PSTPIP1: variants seen among roughly 807,000 people sequenced by gnomAD.
PSTPIP1 encodes the protein proline-serine-threonine phosphatase-interacting protein 1.
Under a neutral mutation model 69.6 loss-of-function variants are expected in PSTPIP1, and 66 were observed. The observed-to-expected ratio is 0.95, with a 90% CI of 0.78 to 1.16. The LOEUF (loss-of-function observed/expected upper bound fraction) is 1.16. Ranked by LOEUF, PSTPIP1 falls within the 50% of genes most tolerant of loss-of-function variation. The pLI, the probability that PSTPIP1 is intolerant of heterozygous loss-of-function variation, is 0.00. For synonymous variants in PSTPIP1, 266 were observed against 222.7 expected, an observed-to-expected ratio of 1.19 and a Z score of -1.73; for missense variants, 603 against 557.4, an observed-to-expected ratio of 1.08 and a Z score of -0.82.
chr15:77,036,646 C>T (rs562511130), intron 14 of PSTPIP1, among the ~76,000 whole-genome samples: 1 of 152,220 alleles, frequency 6.6e-6, no homozygotes, highest in East Asian at 1.9e-4. Flanking sequence ...GAAGCCAGGC[C>T]AGGAGAGTGA....
intron 6 of PSTPIP1, 30 bp from the exon 7 acceptor site, chr15:77,028,523 GC>G: frequency 6.5e-7 from 1 of 1,547,438 alleles, no homozygotes; most frequent in Non-Finnish European, 8.8e-7. Context: ...GGGCTGTGCA[GC>G]CCCCAAGTCA....
At position 77,037,269 on chromosome 15, in the gene PSTPIP1, C is replaced by A. The variant is rs554408944; in HGVS notation, c.*93C>A. 58 of 1,472,002 alleles carry A rather than the reference C, an allele frequency of 3.9e-5. No individual in the cohort carries two copies. Among genetic ancestry groups the A allele is most frequent in the Non-Finnish European group, 5.2e-5 (57 of 1,097,098 alleles). 91.2% of individuals were successfully genotyped at this position (1,472,002 alleles called of 1,614,324 possible). Reference sequence around the variant, plus strand: ...CACCTTGCTAGGGCCCAGAACCAAGCGTCCCCCAGCCCCGAGAGGGAGCCT... The same window carrying A: ...CACCTTGCTAGGGCCCAGAACCAAGAGTCCCCCAGCCCCGAGAGGGAGCCT... On this transcript the variant is annotated 3_prime_UTR_variant, in exon 15 of 15. Coordinates refer to ENST00000558012, the MANE Select transcript of PSTPIP1 (RefSeq NM_003978.5).
chr15:77,036,238 C>T (rs1008627138), intron 14 of PSTPIP1, among the ~76,000 whole-genome samples: 12 of 152,160 alleles, frequency 7.9e-5, no homozygotes, highest in African/African-American at 2.2e-4. Flanking sequence ...ACAGCACACA[C>T]GTGGAGCACA....
At chr15:77,036,524 A>G (rs1005333171) in intron 14 of PSTPIP1, among the ~76,000 whole-genome samples, 2 of 152,054 alleles carry the variant, frequency 1.3e-5, no homozygotes, top group African/African-American at 4.8e-5. Flanking sequence ...GCTTGAGGGG[A>G]AGAATGCATA....
At position 77,029,708 on chromosome 15, in the gene PSTPIP1, TATGTG is replaced by T. The variant is rs2152686977; in HGVS notation, c.562+135_562+139del. The T allele has an allele frequency of 1.0e-5, 11 of 1,066,572 alleles. No individual in the cohort carries two copies. In the South Asian group the frequency reaches 1.8e-4, roughly 17 times the overall value. The allele number at this position is 1,066,572 out of a possible 1,614,324, so 66.1% of individuals were successfully genotyped here. A position where few individuals can be genotyped will look rare whatever the true frequency, so the allele number is the denominator to read the frequency against. ...ATGGGCGCGGCGCTCTCATTCCAGATATGTGCCGTCAAAGTAAACGCTGTGTTCCC... is the reference window on the plus strand; with the variant it reads ...ATGGGCGCGGCGCTCTCATTCCAGATCCGTCAAAGTAAACGCTGTGTTCCC... On this transcript the variant is annotated intron_variant, in intron 8 of 14. Coordinates refer to ENST00000558012, the MANE Select transcript of PSTPIP1 (RefSeq NM_003978.5).
intron 5 of PSTPIP1, among the ~76,000 whole-genome samples, chr15:77,026,677 C>G (rs1188183039): frequency 1.3e-5 from 2 of 152,266 alleles, no homozygotes; most frequent in Non-Finnish European, 1.5e-5. Flanking sequence ...GCCCGTGCCA[C>G]CTGCCCATCT....
intron 1 of PSTPIP1, among the ~76,000 whole-genome samples, chr15:77,014,556 A>G (rs1406869171): frequency 6.6e-6 from 1 of 152,150 alleles, no homozygotes; most frequent in East Asian, 1.9e-4. Context: ...CACTTTCCCA[A>G]TGAGGAAACC....
rs1300843233 is a variant in PSTPIP1 at position 76,995,242 on chromosome 15, C to A, written c.-332C>A. On this transcript the variant is annotated 5_prime_UTR_variant, in exon 1 of 15. Coordinates refer to ENST00000558012, the MANE Select transcript of PSTPIP1 (RefSeq NM_003978.5). ...CCCACCCAGGGCTGGCATCCCTGCTCCCTGCCCTGGGTCCCAGACTGTGTC... is the reference window on the plus strand; with the variant it reads ...CCCACCCAGGGCTGGCATCCCTGCTACCTGCCCTGGGTCCCAGACTGTGTC... 1 of 1,260,272 alleles carries A rather than the reference C, an allele frequency of 7.9e-7. No homozygotes were observed. Among genetic ancestry groups the A allele is most frequent in the Admixed American group, 3.6e-5 (1 of 27,810 alleles). 78.1% of individuals were successfully genotyped at this position (1,260,272 alleles called of 1,614,324 possible).
intron 1 of PSTPIP1, among the ~76,000 whole-genome samples, chr15:77,011,031 G>A (rs1226553892): frequency 6.6e-6 from 1 of 152,206 alleles, no homozygotes; most frequent in Non-Finnish European, 1.5e-5. Context: ...TGAAGGAGGG[G>A]AAGCAGGCGG....
At position 77,036,920 on chromosome 15, in the gene PSTPIP1, G is replaced by A. The variant is rs1596145042; in HGVS notation, c.1120-125G>A. ...TACCCCCATCCTGTGTCCCCAAGGG[G>A]CTGCCCCTGCCCACCCTGGGAGACA... On this transcript the variant is annotated intron_variant, in intron 14 of 14. Coordinates refer to ENST00000558012, the MANE Select transcript of PSTPIP1 (RefSeq NM_003978.5). 5 of 1,329,182 alleles carry A rather than the reference G, an allele frequency of 3.8e-6. No individual in the cohort carries two copies. The South Asian group carries it at 5.5e-5, about 15-fold the overall frequency. 82.3% of individuals were successfully genotyped at this position (1,329,182 alleles called of 1,614,324 possible). A position where few individuals can be genotyped will look rare whatever the true frequency, so the allele number is the denominator to read the frequency against.
intron 12 of PSTPIP1, among the ~76,000 whole-genome samples, chr15:77,034,485 C>G (rs543079840): frequency 6.6e-6 from 1 of 152,106 alleles, no homozygotes; most frequent in East Asian, 1.9e-4. Flanking sequence ...GGCTGCCCCC[C>G]ACAGGCCCCT....
At chr15:77,013,072 ACCC>A (rs2075978168) in intron 1 of PSTPIP1, among the ~76,000 whole-genome samples, 1 of 152,178 alleles carries the variant, frequency 6.6e-6, no homozygotes. Context: ...GTGCTAGCAA[ACCC>A]ACAGTGTCAG....
In PSTPIP1 at chr15:77,029,588, G is replaced by A. The variant is rs2076365914; in HGVS notation, c.562+14G>A. Reference sequence around the variant, plus strand: ...CCACCGAGGCAGGTATGTGGGCCTGGCTGCCCCGTCCGACCAGGGCGGAGG... The same window carrying A: ...CCACCGAGGCAGGTATGTGGGCCTGACTGCCCCGTCCGACCAGGGCGGAGG... On this transcript the variant is annotated intron_variant, in intron 8 of 14. Transcript: ENST00000558012. 6.4e-7 allele frequency: 1 copy of A among 1,569,074 alleles called. No homozygotes were observed. Among genetic ancestry groups the A allele is most frequent in the Non-Finnish European group, 8.6e-7 (1 of 1,158,018 alleles).
At chr15:77,001,626 G>A (rs1267715832) in intron 1 of PSTPIP1, among the ~76,000 whole-genome samples, 1 of 152,244 alleles carries the variant, frequency 6.6e-6, no homozygotes, top group Non-Finnish European at 1.5e-5. Context: ...CACCTGCCTG[G>A]CTGCATCTGT....
chr15:77,019,753 C>T (rs2076125065), intron 3 of PSTPIP1, among the ~76,000 whole-genome samples: 3 of 147,280 alleles, frequency 2.0e-5, no homozygotes, highest in Admixed American at 2.0e-4. Flanking sequence ...GGGCTGAGGG[C>T]CGGGTGCAGG....
intron 14 of PSTPIP1, 143 bp from the exon 15 acceptor site, chr15:77,036,902 A>G (rs1324282396): frequency 1.8e-6 from 2 of 1,110,012 alleles, no homozygotes; most frequent in African/African-American, 1.6e-5. Flanking sequence ...GGTTACCCCC[A>G]TCCTGTGTCC....
intron 1 of PSTPIP1, among the ~76,000 whole-genome samples, chr15:77,006,093 G>A (rs1047453224): frequency 1.3e-5 from 2 of 151,898 alleles, no homozygotes; most frequent in Admixed American, 1.3e-4. Flanking sequence ...AATGCAAAAG[G>A]GATCCAATTG....
In PSTPIP1 at chr15:77,032,962, C is replaced by G; in HGVS notation, c.929+10C>G. The G allele has an allele frequency of 2.5e-6, 4 of 1,589,950 alleles. No individual in the cohort carries two copies. The highest frequency in any genetic ancestry group is 3.4e-6 in the Non-Finnish European group (4 of 1,168,384). ...GCGGCATGATAAAGAGGTGAGGCCCCGACAGACGGAGGGAGGGCCTAAGGC... is the reference window on the plus strand; with the variant it reads ...GCGGCATGATAAAGAGGTGAGGCCCGGACAGACGGAGGGAGGGCCTAAGGC... On this transcript the variant is annotated intron_variant, in intron 12 of 14. Transcript: ENST00000558012.
At chr15:77,001,651 A>G (rs967435591) in intron 1 of PSTPIP1, among the ~76,000 whole-genome samples, 2 of 152,224 alleles carry the variant, frequency 1.3e-5, no homozygotes, top group Admixed American at 6.5e-5. Flanking sequence ...AGCAGTGAGG[A>G]CGGAGGCTCT....
Sources: allele counts gnomAD v4.1 joint callset (sites outside exome capture counted in the v4.1 genomes callset), GRCh38; gene constraint gnomAD v4.1.1; transcripts MANE v1.5; gene names NCBI Gene and HGNC (gene_info 2026-07-23, HGNC 2026-07-21).